PAX2: variants seen among roughly 807,000 people sequenced by gnomAD.
PAX2 encodes paired box protein Pax-2.
A neutral mutation model predicts 41.7 loss-of-function variants in PAX2; 9 were observed. The ratio of observed to expected loss-of-function variants is 0.22; its 90% confidence interval spans 0.13 to 0.38. The LOEUF is 0.38. PAX2 is among the 10% of genes least tolerant of loss of function. The pLI is 1.00. For synonymous variants in PAX2, 221 were observed against 212.7 expected (o/e 1.04, Z -0.34); for missense variants, 418 against 531.6 (o/e 0.79, Z 2.10).
intron 3 of PAX2, among the ~76,000 whole-genome samples, chr10:100,754,047 G>A (rs898633862): frequency 2.0e-5 from 3 of 152,200 alleles, no homozygotes; most frequent in Non-Finnish European, 2.9e-5. Flanking sequence ...TTTGTACACC[G>A]CTGCTGTAAA....
At position 100,748,289 on chromosome 10, in the gene PAX2, AG is replaced by A. The variant is rs1206393611; in HGVS notation, c.44-1453del. The A allele has an allele frequency of 1.0e-5, 10 of 975,958 alleles. No individual in the cohort carries two copies. The South Asian group carries it at 2.4e-4, about 23-fold the overall frequency. 60.5% of individuals were successfully genotyped at this position (975,958 alleles called of 1,614,324 possible). A position where few individuals can be genotyped will look rare whatever the true frequency, so the allele number is the denominator to read the frequency against. On this transcript the variant is annotated intron_variant, in intron 1 of 9. Transcript: ENST00000355243. The surrounding 1 kb of genome is among the most constrained non-coding windows in gnomAD (Gnocchi z 5.0). ...TTATTGATGGTCGGGGTTTGGAGGG[AG>A]GGGAGGGTGAGAAGTGGGGCTAGAG...
chr10:100,817,167 T>G (rs1208027151), intron 7 of PAX2, among the ~76,000 whole-genome samples: 3 of 152,156 alleles, frequency 2.0e-5, no homozygotes, highest in African/African-American at 7.2e-5. Flanking sequence ...ATTTGTGATT[T>G]GCTCATGGAG....
Position 100,829,164 on chromosome 10 carries a change from C to T in PAX2, c.*1545C>T. On this transcript the variant is annotated 3_prime_UTR_variant, in exon 10 of 10. Coordinates refer to ENST00000355243, the MANE Select transcript of PAX2 (RefSeq NM_000278.5). ...AACATGGTCCTGTGGACTCCTCTGG[C>T]CTGTTTTGTTGGCTCTTTCTCTGTA... 1 of 232,226 alleles carries T rather than the reference C, an allele frequency of 4.3e-6. No homozygotes were observed. Among genetic ancestry groups the T allele is most frequent in the Middle Eastern group, 1.3e-3 (1 of 784 alleles). The allele number at this position is 232,226 out of a possible 1,614,324, so 14.4% of individuals were successfully genotyped here.
chr10:100,743,594 A>G (rs1845041611), upstream of PAX2, among the ~76,000 whole-genome samples: 5 of 152,180 alleles, frequency 3.3e-5, no homozygotes, highest in Admixed American at 3.3e-4. Context: ...TGGGTTAATT[A>G]CTTCCCAGAG....
At chr10:100,812,407 G>A (rs1457219765) in intron 7 of PAX2, among the ~76,000 whole-genome samples, 2 of 152,192 alleles carry the variant, frequency 1.3e-5, no homozygotes, top group Non-Finnish European at 2.9e-5. Flanking sequence ...TAAAGAAAGA[G>A]GGACCAGCTA....
At chr10:100,735,575 G>C in exon 1 of PAX2, 11 of 713,484 alleles carry the variant, frequency 1.5e-5, no homozygotes, top group Non-Finnish European at 2.0e-5. Context: ...GGTTATCTGA[G>C]CCGCTTGGTG....
Position 100,827,898 on chromosome 10 carries a change from G to T in PAX2, c.*279G>T. ...CCGCCTGCCTGGACTGCGCGGCGCCGTGAGGGGGATTCGGCCCAGCTCGTC... is the reference window on the plus strand; with the variant it reads ...CCGCCTGCCTGGACTGCGCGGCGCCTTGAGGGGGATTCGGCCCAGCTCGTC... On this transcript the variant is annotated 3_prime_UTR_variant, in exon 10 of 10. Coordinates refer to ENST00000355243, the MANE Select transcript of PAX2 (RefSeq NM_000278.5). The surrounding 1 kb of genome is among the most constrained non-coding windows in gnomAD (Gnocchi z 8.5). 2 of 468,462 alleles carry T rather than the reference G, an allele frequency of 4.3e-6. No individual in the cohort carries two copies. 29.0% of individuals were successfully genotyped at this position (468,462 alleles called of 1,614,324 possible).
At chr10:100,783,826 A>G (rs1337982497) in intron 5 of PAX2, among the ~76,000 whole-genome samples, 22 of 152,132 alleles carry the variant, frequency 1.4e-4, no homozygotes, top group Admixed American at 1.4e-3. Flanking sequence ...GGTGCCCCCA[A>G]GTTTCCTCTG....
At chr10:100,781,402 A>T (rs772604948) in intron 5 of PAX2, 37 bp downstream of exon 5, 2 of 1,611,800 alleles carry the variant, frequency 1.2e-6, no homozygotes, top group Non-Finnish European at 1.7e-6. Flanking sequence ...TCCCCTTCAC[A>T]TGCTTTGTCC....
rs569629370 is a variant in PAX2 at position 100,750,960 on chromosome 10, C to T, written c.410+69C>T. The T allele has an allele frequency of 1.9e-4, 217 of 1,164,578 alleles. 1 individual carries two copies. Among genetic ancestry groups the T allele is most frequent in the South Asian group, 7.3e-4 (60 of 82,144 alleles). The allele number at this position is 1,164,578 out of a possible 1,614,324, so 72.1% of individuals were successfully genotyped here. On this transcript the variant is annotated intron_variant, in intron 3 of 9. Transcript: ENST00000355243. This position sits in a 1 kb window ranked among gnomAD's most constrained non-coding sequence, Gnocchi z 4.1. ...GGCTCCTGCCTGCAGGGGTGTCCCACGCCCAGTCTCTGCTCTTTGTCCAGC... is the reference window on the plus strand; with the variant it reads ...GGCTCCTGCCTGCAGGGGTGTCCCATGCCCAGTCTCTGCTCTTTGTCCAGC...
intron 5 of PAX2, among the ~76,000 whole-genome samples, chr10:100,797,245 C>T (rs150707428): frequency 1.3e-3 from 196 of 152,312 alleles, no homozygotes; most frequent in Non-Finnish European, 2.3e-3. Context: ...AACTGTGATA[C>T]GAAGAGATTC....
Position 100,779,578 on chromosome 10 carries a change from C to G in PAX2, c.491C>G (p.Thr164Ser), listed in dbSNP as rs370214925. Residue 164 changes from threonine (T) to serine (S), a missense_variant, in exon 4 of 10, where the codon ACC becomes AGC. Transcript: ENST00000355243. ...ACAGGAGTGACCGCCCCTGGCCACA[C>G]CATTGGTAAGAGGGCTCAGGGAAGG... Reference protein sequence around the residue: ...AGTGVTAPGHTIVPSTASPPV... With the variant: ...AGTGVTAPGHSIVPSTASPPV... The G allele has an allele frequency of 1.3e-6, 2 of 1,582,878 alleles. No homozygotes were observed. The highest frequency in any genetic ancestry group is 1.7e-6 in the Non-Finnish European group (2 of 1,163,732).
At chr10:100,743,654 C>T (rs1845043059), upstream of PAX2, among the ~76,000 whole-genome samples, 1 of 152,244 alleles carries the variant, frequency 6.6e-6, no homozygotes, top group African/African-American at 2.4e-5. Context: ...CCCTTGCACT[C>T]TGGCCTGGGA....
At chr10:100,754,187 A>G (rs1460094902) in intron 3 of PAX2, among the ~76,000 whole-genome samples, 1 of 152,194 alleles carries the variant, frequency 6.6e-6, no homozygotes, top group African/African-American at 2.4e-5. Context: ...TAGCTGAGCA[A>G]TTGTCTAAGC....
At chr10:100,752,040 A>G (rs1053882064) in intron 3 of PAX2, among the ~76,000 whole-genome samples, 1 of 152,238 alleles carries the variant, frequency 6.6e-6, no homozygotes, top group Non-Finnish European at 1.5e-5. Context: ...TTTGCAAATG[A>G]TATGGAATTA....
intron 5 of PAX2, among the ~76,000 whole-genome samples, chr10:100,798,408 A>C (rs1847415058): frequency 6.6e-6 from 1 of 151,750 alleles, no homozygotes; most frequent in African/African-American, 2.4e-5. Flanking sequence ...GAGCCACTGC[A>C]CCCGGCCCAC....
chr10:100,805,044 A>G (rs1401330831), intron 5 of PAX2, among the ~76,000 whole-genome samples: 1 of 148,058 alleles, frequency 6.8e-6, no homozygotes, highest in Non-Finnish European at 1.5e-5. Context: ...ACACACACAC[A>G]CACACACACA....
At chr10:100,764,344 C>CG (rs762002470) in intron 3 of PAX2, among the ~76,000 whole-genome samples, 50 of 152,048 alleles carry the variant, frequency 3.3e-4, no homozygotes, top group Non-Finnish European at 6.0e-4. Context: ...AGGGTTTCAC[C>CG]TGTTAGCCAG....
In PAX2 at chr10:100,827,716, C is replaced by CGCGAT. The variant is rs1180342995; in HGVS notation, c.*100_*104dup. The CGCGAT allele has an allele frequency of 1.9e-6, 3 of 1,606,100 alleles. No homozygotes were observed. In the South Asian group the frequency reaches 3.3e-5, roughly 18 times the overall value. On this transcript the variant is annotated 3_prime_UTR_variant, in exon 10 of 10. Coordinates refer to ENST00000355243, the MANE Select transcript of PAX2 (RefSeq NM_000278.5). The surrounding 1 kb of genome is among the most constrained non-coding windows in gnomAD (Gnocchi z 8.5). ...CCGGAGGGAGGGAGGACCGACGCGA[C>CGCGAT]GCGATGCCTCCCGGCCACCGCCCCA... is the stretch of plus-strand genomic sequence containing the variant.
Sources: allele counts gnomAD v4.1 joint callset (sites outside exome capture counted in the v4.1 genomes callset), GRCh38; gene constraint gnomAD v4.1.1; non-coding constraint Gnocchi (gnomAD v3.1); transcripts MANE v1.5; gene names NCBI Gene and HGNC (gene_info 2026-07-23, HGNC 2026-07-21).